Variants in SH3GL2 observed in about 807,000 individuals in gnomAD.
SH3GL2 encodes endophilin-A1.
In SH3GL2, 24 loss-of-function variants were observed where a neutral mutation model predicts 46.0. The observed-to-expected ratio is 0.52, with a 90% CI of 0.38 to 0.73. SH3GL2 has a LOEUF of 0.73. Among genes scored for constraint, SH3GL2 ranks in the 30% least tolerant of loss-of-function variants. SH3GL2 has a pLI of 0.00. For missense variants in SH3GL2, 413 were observed against 424.2 expected, an observed-to-expected ratio of 0.97 and a Z score of 0.23; for synonymous variants, 196 against 147.1, an observed-to-expected ratio of 1.33 and a Z score of -2.40.
At chr9:17,663,058 A>G (rs1045366456) in intron 1 of SH3GL2, among the ~76,000 whole-genome samples, 2 of 152,196 alleles carry the variant, frequency 1.3e-5, no homozygotes, top group Non-Finnish European at 2.9e-5. Context: ...GTGGAAAAGG[A>G]AGGACATTAA....
chr9:17,603,853 G>T (rs570420813), intron 1 of SH3GL2, among the ~76,000 whole-genome samples: 2 of 152,212 alleles, frequency 1.3e-5, no homozygotes, highest in African/African-American at 2.4e-5. Flanking sequence ...CAACAAGAGC[G>T]AAACTCCGTG....
At chr9:17,787,738 G>T (rs1824001339) in intron 5 of SH3GL2, among the ~76,000 whole-genome samples, 1 of 152,160 alleles carries the variant, frequency 6.6e-6, no homozygotes, top group South Asian at 2.1e-4. Flanking sequence ...GCTTCTCTAT[G>T]TTTGATTTTC....
intron 1 of SH3GL2, among the ~76,000 whole-genome samples, chr9:17,695,538 C>G (rs938187121): frequency 2.0e-5 from 3 of 152,096 alleles, no homozygotes; most frequent in Non-Finnish European, 4.4e-5. Flanking sequence ...TCAATATACT[C>G]CTCAGATGGC....
intron 1 of SH3GL2, among the ~76,000 whole-genome samples, chr9:17,687,341 T>G (rs1820945149): frequency 6.6e-6 from 1 of 152,104 alleles, no homozygotes; most frequent in African/African-American, 2.4e-5. Context: ...TGAACAAGTA[T>G]TATTTTGGGA....
intron 1 of SH3GL2, among the ~76,000 whole-genome samples, chr9:17,613,066 C>A (rs1391115369): frequency 1.3e-5 from 2 of 152,088 alleles, no homozygotes; most frequent in Non-Finnish European, 2.9e-5. Flanking sequence ...AGCAAGAATA[C>A]AGAGATTCAC....
At chr9:17,688,032 C>G (rs529554113) in intron 1 of SH3GL2, among the ~76,000 whole-genome samples, 7 of 152,166 alleles carry the variant, frequency 4.6e-5, no homozygotes, top group South Asian at 4.1e-4. Flanking sequence ...AGCTCTTTTT[C>G]TAGTATACAA....
chr9:17,645,182 T>TTTTTTTTTTTTTTTTTTTTTA (rs1819781790), intron 1 of SH3GL2, among the ~76,000 whole-genome samples: 7 of 72,760 alleles, frequency 9.6e-5, no homozygotes, highest in Admixed American at 3.1e-4. Flanking sequence ...TTTTTTTTTT[T>TTTTTTTTTTTTTTTTTTTTTA]GCTTTCCATT....
At chr9:17,761,391 A>T (rs780760556) in intron 2 of SH3GL2, 46 bp from the exon 3 acceptor site, 1 of 1,224,768 alleles carries the variant, frequency 8.2e-7, no homozygotes, top group African/African-American at 1.5e-5. Context: ...CGGTATTCTA[A>T]AGCTCATCAT....
chr9:17,761,401 T>A (rs769509581), intron 2 of SH3GL2, 36 bp from the exon 3 acceptor site: 5 of 1,360,368 alleles, frequency 3.7e-6, no homozygotes, highest in Non-Finnish European at 2.1e-6. Flanking sequence ...AAGCTCATCA[T>A]TTTTGTCATT....
chr9:17,777,964 A>G (rs189804878), intron 3 of SH3GL2, among the ~76,000 whole-genome samples: 37 of 152,032 alleles, frequency 2.4e-4, no homozygotes, highest in Non-Finnish European at 1.5e-5. Context: ...GGCAGACTAG[A>G]TATTTATAGC....
At chr9:17,616,402 C>CT (rs1563783317) in intron 1 of SH3GL2, among the ~76,000 whole-genome samples, 1 of 152,038 alleles carries the variant, frequency 6.6e-6, no homozygotes, top group African/African-American at 2.4e-5. Flanking sequence ...TCTATTGGTG[C>CT]TTAAAAAAAT....
At chr9:17,782,690 G>C (rs1157084176) in intron 3 of SH3GL2, among the ~76,000 whole-genome samples, 8 of 152,062 alleles carry the variant, frequency 5.3e-5, no homozygotes, top group Non-Finnish European at 1.2e-4. Flanking sequence ...CACAGTGGGC[G>C]GTCATGGTAC....
At chr9:17,636,211 A>G (rs2224450) in intron 1 of SH3GL2, among the ~76,000 whole-genome samples, 51,792 of 152,074 alleles carry the variant, frequency 0.34, 9,488 homozygotes, top group South Asian at 0.56. Flanking sequence ...CGTGGATTGA[A>G]AAGCACCAAG....
intron 1 of SH3GL2, among the ~76,000 whole-genome samples, chr9:17,663,331 T>G (rs1444152650): frequency 6.6e-6 from 1 of 152,176 alleles, no homozygotes; most frequent in Non-Finnish European, 1.5e-5. Flanking sequence ...TTGTATTAGA[T>G]TTGCTTTTTT....
chr9:17,608,265 A>C (rs531635258), intron 1 of SH3GL2, among the ~76,000 whole-genome samples: 1 of 147,944 alleles, frequency 6.8e-6, no homozygotes, highest in African/African-American at 2.5e-5. Flanking sequence ...CTCCTGCCTC[A>C]GCCTCCCGAG....
At chr9:17,586,981 C>A (rs746704125) in intron 1 of SH3GL2, among the ~76,000 whole-genome samples, 31 of 152,164 alleles carry the variant, frequency 2.0e-4, no homozygotes, top group Non-Finnish European at 3.7e-4. Flanking sequence ...TCGAGGCAGG[C>A]AGATCACTTG....
chr9:17,627,739 TA>T (rs1317986306), intron 1 of SH3GL2, among the ~76,000 whole-genome samples: 1 of 152,194 alleles, frequency 6.6e-6, no homozygotes, highest in African/African-American at 2.4e-5. Flanking sequence ...AGACAAAGGA[TA>T]AAACCCAGGT....
chr9:17,729,623 G>T (rs1310414592), intron 1 of SH3GL2, among the ~76,000 whole-genome samples: 1 of 152,126 alleles, frequency 6.6e-6, no homozygotes, highest in African/African-American at 2.4e-5. Flanking sequence ...AATCCATCTT[G>T]AATTAATTTT....
chr9:17,795,527 C>T lies in SH3GL2; in HGVS notation c.860-17C>T, dbSNP rs1321717353. 3.7e-6 allele frequency: 6 copies of T among 1,607,234 alleles called. No individual in the cohort carries two copies. Among genetic ancestry groups the T allele is most frequent in the Non-Finnish European group, 4.3e-6 (5 of 1,174,054 alleles). On this transcript the variant is annotated splice_polypyrimidine_tract_variant and intron_variant, in intron 8 of 8. Transcript: ENST00000380607. ...ATCCTTTTGTGTTCTTCTCTTCTCT[C>T]CTGCTCTTACTCCCAGGTGTCCAAA...
Sources: allele counts gnomAD v4.1 joint callset (sites outside exome capture counted in the v4.1 genomes callset), GRCh38; gene constraint gnomAD v4.1.1; transcripts MANE v1.5; gene names NCBI Gene and HGNC (gene_info 2026-07-23, HGNC 2026-07-21).